The following FRMD6 variants were observed in gnomAD, a reference collection of about 807,000 sequenced individuals.
FRMD6 encodes FERM domain-containing protein 6.
A neutral mutation model predicts 73.2 loss-of-function variants in FRMD6; 37 were observed. That is an observed-to-expected ratio of 0.51 (90% confidence interval 0.39 to 0.66). FRMD6 has a LOEUF of 0.66. FRMD6 is among the 30% of genes least tolerant of loss of function. The pLI is 0.00. For synonymous variants in FRMD6, 273 were observed against 282.2 expected, an observed-to-expected ratio of 0.97 and a Z score of 0.33; for missense variants, 714 against 780.5, an observed-to-expected ratio of 0.91 and a Z score of 1.02.
At chr14:51,721,700 A>AAGGG (rs1897587092) in intron 11 of FRMD6, among the ~76,000 whole-genome samples, 2 of 52,088 alleles carry the variant, frequency 3.8e-5, no homozygotes, top group Admixed American at 2.0e-4. Flanking sequence ...CCCAGGAAGG[A>AAGGG]AGGAAGGAAG....
At chr14:51,642,835 C>G (rs1184491714) in intron 2 of FRMD6, among the ~76,000 whole-genome samples, 1 of 152,124 alleles carries the variant, frequency 6.6e-6, no homozygotes, top group Non-Finnish European at 1.5e-5. Flanking sequence ...GTATACAATA[C>G]TTAATAAGTA....
chr14:51,604,266 G>A (rs546211282), intron 2 of FRMD6, among the ~76,000 whole-genome samples: 72 of 152,292 alleles, frequency 4.7e-4, no homozygotes, highest in Non-Finnish European at 7.2e-4. Flanking sequence ...GAAAAGCACC[G>A]GAGATTCCAA....
chr14:51,724,953 C>T (rs937796789), intron 12 of FRMD6, among the ~76,000 whole-genome samples: 8 of 152,046 alleles, frequency 5.3e-5, no homozygotes, highest in African/African-American at 1.2e-4. Context: ...GAAATTTTGG[C>T]GGGTTTCCAC....
At chr14:51,706,710 T>C (rs771125573) in intron 6 of FRMD6, among the ~76,000 whole-genome samples, 1 of 152,052 alleles carries the variant, frequency 6.6e-6, no homozygotes, top group Non-Finnish European at 1.5e-5. Context: ...AGGTGCCCAG[T>C]GCTCAAGAAG....
rs545208649 is a variant in FRMD6, at chr14:51,683,058, T to A, written c.-146-6633T>A. 1.5e-4 allele frequency among the ~76,000 whole-genome samples: 23 copies of A among 152,264 alleles called. 1 individual carries two copies. The highest frequency in any genetic ancestry group is 1.4e-3 in the Admixed American group (22 of 15,292). On this transcript the variant is annotated intron_variant, in intron 1 of 13. Coordinates refer to ENST00000344768, the MANE Select transcript of FRMD6 (RefSeq NM_001267046.2). ...TACACCCATACGCACTGTCTTTCAG[T>A]ACATAAAATTTCAAAGGAGTAACCA...
the FRMD6 span, among the ~76,000 whole-genome samples, chr14:51,408,525 C>T: frequency 1.3e-5 from 2 of 152,104 alleles, no homozygotes; most frequent in South Asian, 4.1e-4. Context: ...TTCCAGCTTG[C>T]TAATGCTCTT....
At chr14:51,617,085 C>T (rs1254748031) in intron 2 of FRMD6, among the ~76,000 whole-genome samples, 4 of 152,158 alleles carry the variant, frequency 2.6e-5, no homozygotes, top group African/African-American at 7.2e-5. Flanking sequence ...TGTGGAAGCC[C>T]CCTTATTTTC....
chr14:51,721,689 T>G, intron 11 of FRMD6, among the ~76,000 whole-genome samples: 1 of 94,966 alleles, frequency 1.1e-5, no homozygotes, highest in Non-Finnish European at 2.0e-5. Flanking sequence ...TTGAAAATGG[T>G]CCCAGGAAGG....
At chr14:51,432,518 A>G in the FRMD6 span, among the ~76,000 whole-genome samples, 1 of 152,158 alleles carries the variant, frequency 6.6e-6, no homozygotes, top group African/African-American at 2.4e-5. Context: ...TTTTCCCAGT[A>G]TGAAACATGA....
rs771651059 is a variant in FRMD6 at position 51,689,842 on chromosome 14, C to G, written c.6C>G (p.Asn2Lys). The change falls in exon 2 of 14, where the codon AAC (asparagine) becomes AAG (lysine). Residue 2 changes from asparagine (N) to lysine (K), a missense_variant. Coordinates refer to ENST00000344768, the MANE Select transcript of FRMD6 (RefSeq NM_001267046.2). MNKLNFHNNRVM... is the reference protein window; with the variant it reads MKKLNFHNNRVM... ...ACCAGAGTGCCCAAAACACAATGAA[C>G]AAATTGAATTTTCATAACAACAGAG... is the stretch of plus-strand genomic sequence containing the variant. The G allele has an allele frequency of 1.9e-6, 3 of 1,609,222 alleles. No individual in the cohort carries two copies. The highest frequency in any genetic ancestry group is 2.5e-6 in the Non-Finnish European group (3 of 1,176,700).
At chr14:51,398,881 T>C in the FRMD6 span, among the ~76,000 whole-genome samples, 19 of 152,136 alleles carry the variant, frequency 1.2e-4, no homozygotes, top group Admixed American at 1.2e-3. Context: ...ATCTGCTCAC[T>C]CCTTGGCTCA....
At chr14:51,648,157 AT>A (rs971820103), upstream of FRMD6, among the ~76,000 whole-genome samples, 11 of 152,120 alleles carry the variant, frequency 7.2e-5, no homozygotes, top group African/African-American at 2.2e-4. Context: ...GATAAAAATA[AT>A]TTTTTTTCTT....
At chr14:51,639,207 G>A (rs113716978) in intron 2 of FRMD6, among the ~76,000 whole-genome samples, 5,578 of 152,136 alleles carry the variant, frequency 0.037, 118 homozygotes, top group Middle Eastern at 0.071. Context: ...AGACTGAGGC[G>A]GGCGGATCAC....
intron 1 of FRMD6, among the ~76,000 whole-genome samples, chr14:51,670,812 A>AT (rs942573161): frequency 2.0e-5 from 3 of 151,712 alleles, no homozygotes; most frequent in Non-Finnish European, 4.4e-5. Flanking sequence ...CTCCCGGCTA[A>AT]TTTTTTGTAT....
intron 1 of FRMD6, among the ~76,000 whole-genome samples, chr14:51,568,660 G>A (rs892747180): frequency 6.6e-6 from 1 of 152,158 alleles, no homozygotes; most frequent in African/African-American, 2.4e-5. Context: ...ATTTGTGAGT[G>A]AAGGAGAAGT....
chr14:51,478,353 G>C, the FRMD6 span, among the ~76,000 whole-genome samples: 1 of 152,098 alleles, frequency 6.6e-6, no homozygotes, highest in African/African-American at 2.4e-5. Context: ...AAAAGCGCTG[G>C]CATCAGTGAG....
intron 1 of FRMD6, among the ~76,000 whole-genome samples, chr14:51,675,318 G>T (rs978577097): frequency 6.6e-6 from 1 of 152,098 alleles, no homozygotes; most frequent in Non-Finnish European, 1.5e-5. Context: ...TGGAATAACA[G>T]AAGGCACCTT....
At chr14:51,665,124 A>T (rs1893486323) in intron 1 of FRMD6, among the ~76,000 whole-genome samples, 1 of 152,218 alleles carries the variant, frequency 6.6e-6, no homozygotes, top group Non-Finnish European at 1.5e-5. Context: ...TAACATAGTT[A>T]TTTGCCAACA....
chr14:51,652,190 C>T (rs1892459990), intron 1 of FRMD6, 194 bp downstream of exon 1: 1 of 152,478 alleles, frequency 6.6e-6, no homozygotes, highest in Non-Finnish European at 1.5e-5. Flanking sequence ...CTTCTCGCTC[C>T]CTTAGCTCTG....
Sources: gnomAD v4.1 joint callset for allele counts (sites outside exome capture counted in the v4.1 genomes callset) on GRCh38, gnomAD v4.1.1 for gene constraint, MANE v1.5 for transcripts, NCBI Gene and HGNC (gene_info 2026-07-23, HGNC 2026-07-21) for gene names.